The following TREH variants were observed in gnomAD, a reference collection of about 807,000 sequenced individuals.
The protein encoded by TREH is alpha,alpha-trehalose glucohydrolase.
Under a neutral mutation model 80.5 loss-of-function variants are expected in TREH, and 69 were observed. The ratio of observed to expected loss-of-function variants is 0.86; its 90% CI spans 0.71 to 1.05. The LOEUF (loss-of-function observed/expected upper bound fraction) is 1.05. Ranked by LOEUF, TREH falls within the 50% of genes least tolerant of loss-of-function variation. The pLI, the probability that TREH is intolerant of heterozygous loss-of-function variation, is 0.00. For synonymous variants in TREH, 309 were observed against 293.5 expected (o/e 1.05, Z -0.54); for missense variants, 716 against 718.8 (o/e 1.00, Z 0.04).
intron 1 of TREH, among the ~76,000 whole-genome samples, chr11:118,677,966 G>A (rs1565532299): frequency 6.6e-6 from 1 of 152,068 alleles, no homozygotes; most frequent in African/African-American, 2.4e-5. Flanking sequence ...TTCCACAATT[G>A]TCATGGGCAA....
chr11:118,664,561 T>C (rs567368239), intron 1 of TREH, among the ~76,000 whole-genome samples: 35 of 152,330 alleles, frequency 2.3e-4, no homozygotes, highest in African/African-American at 7.9e-4. Context: ...TACTACAAGA[T>C]GCTATATTAG....
In TREH at chr11:118,659,390, AG is replaced by A. The variant is rs782422052; in HGVS notation, c.1411del (p.Leu471CysfsTer74). On this transcript the variant is annotated frameshift_variant, in exon 12 of 15. Transcript: ENST00000264029. LOFTEE classifies it high-confidence loss of function. Reference sequence around the variant, plus strand: ...CCTACCTCTGATGACCAGGTCCTGCAGGGGGGCCCAGGCATTGGGGAAATCC... The same window carrying A: ...CCTACCTCTGATGACCAGGTCCTGCAGGGGGCCCAGGCATTGGGGAAATCC... ...QWDFPNAWAP[L>X]QDLVIRGLAK... 2.5e-6 allele frequency: 4 copies of A among 1,592,526 alleles called. No individual in the cohort carries two copies. The highest frequency in any genetic ancestry group is 2.6e-6 in the Non-Finnish European group (3 of 1,168,522).
rs782788957 is a variant in TREH, at chr11:118,659,970, G to A, written c.1103-6C>T. 4 of 1,550,778 alleles carry A rather than the reference G, an allele frequency of 2.6e-6. No homozygotes were observed. Among genetic ancestry groups the A allele is most frequent in the South Asian group, 1.2e-5 (1 of 84,050 alleles). ...CGTGGCCTGGGAGTCGTTCCCTGGG[G>A]CAGTGCTGCCTTTAGAGCCAGCAGC... is the stretch of plus-strand genomic sequence containing the variant. On this transcript the variant is annotated splice_polypyrimidine_tract_variant and splice_region_variant and intron_variant, in intron 10 of 14. Transcript: ENST00000264029.
At position 118,676,638 on chromosome 11, in the gene TREH, G is replaced by A. The variant is rs557885407; in HGVS notation, c.89+2901C>T. The stretch of plus-strand genomic sequence containing the variant: ...AAAAATTAGCCAGGCGTGGTGGTGC[G>A]TGCCTATAGTCCCAGCTACTTGGGA... On this transcript the variant is annotated intron_variant, in intron 1 of 14. Transcript: ENST00000264029. Among the ~76,000 whole-genome samples the A allele has an allele frequency of 2.6e-4, 40 of 152,060 alleles. 1 individual carries two copies. In the South Asian group the frequency reaches 7.3e-3, roughly 28 times the overall value.
At chr11:118,659,103 G>T in intron 12 of TREH, 86 bp from the exon 13 acceptor site, 1 of 1,378,852 alleles carries the variant, frequency 7.3e-7, no homozygotes, top group Non-Finnish European at 1.0e-6. Flanking sequence ...CCCAAGGAGG[G>T]AAAGAGGCCT....
chr11:118,660,490 G>C, intron 10 of TREH, 49 bp downstream of exon 10: 1 of 1,518,960 alleles, frequency 6.6e-7, no homozygotes, highest in Non-Finnish European at 8.9e-7. Flanking sequence ...TGCCAAGCCT[G>C]AGCAGGAAAC....
chr11:118,658,148 C>G lies in TREH; in HGVS notation c.*141G>C, dbSNP rs1949224772. The G allele has an allele frequency of 1.6e-6, 2 of 1,226,882 alleles. No individual in the cohort carries two copies. The highest frequency in any genetic ancestry group is 2.2e-6 in the Non-Finnish European group (2 of 889,100). 76.0% of individuals were successfully genotyped at this position (1,226,882 alleles called of 1,614,324 possible). ...AGGGAGCTAGGCCCCTACCCATGAC[C>G]TCCAGGTCGTGACCCTGCCCTCCAC... On this transcript the variant is annotated 3_prime_UTR_variant, in exon 15 of 15. Transcript: ENST00000264029.
rs781801274 is a variant in TREH, at chr11:118,661,679, G to A, written c.575C>T (p.Thr192Met). The A allele has an allele frequency of 2.8e-5, 45 of 1,613,840 alleles. No individual in the cohort carries two copies. The highest frequency in any genetic ancestry group is 8.3e-5 in the Admixed American group (5 of 60,006). Residue 192 changes from threonine to methionine, a missense_variant, in exon 6 of 15, where the codon ACG (threonine) becomes ATG (methionine). By Grantham distance (81) the Thr-to-Met change is moderately conservative (BLOSUM62 -1). Coordinates refer to ENST00000264029, the MANE Select transcript of TREH (RefSeq NM_007180.3). This position sits in a 1 kb window ranked among gnomAD's most constrained non-coding sequence, Gnocchi z 4.2. Reference protein sequence around the residue: ...EGLLLSEMAETVKGMLQNFLD... With the variant: ...EGLLLSEMAEMVKGMLQNFLD... ...GAAGTTCTGCAGCATGCCCTTCACC[G>A]TCTCAGCCATCTCTGAGAGGAGCAG...
rs1591829768 is a variant in TREH, at chr11:118,661,485, C to G, written c.642G>C (p.Gly214=). The change falls in exon 7 of 15, where the codon GGG becomes GGC. Residue 214 remains glycine (G), a synonymous_variant. Coordinates refer to ENST00000264029, the MANE Select transcript of TREH (RefSeq NM_007180.3). This position sits in a 1 kb window ranked among gnomAD's most constrained non-coding sequence, Gnocchi z 4.2. ...GGCTCCGCTGCAGGTAGTACACGCGCCCACCATTGGGGACATGCCCATAGC... is the reference window on the plus strand; with the variant it reads ...GGCTCCGCTGCAGGTAGTACACGCGGCCACCATTGGGGACATGCCCATAGC... ...VKTYGHVPNG[G]RVYYLQRSQP... 6.2e-7 allele frequency: 1 copy of G among 1,613,666 alleles called. No individual in the cohort carries two copies. The highest frequency in any genetic ancestry group is 2.2e-5 in the East Asian group (1 of 44,848).
At chr11:118,672,894 G>A (rs2137284014) in intron 1 of TREH, among the ~76,000 whole-genome samples, 1 of 152,010 alleles carries the variant, frequency 6.6e-6, no homozygotes, top group South Asian at 2.1e-4. Flanking sequence ...GAATCAGCTG[G>A]GAAAAAGAAA....
At chr11:118,658,780 C>T (rs782285789) in intron 13 of TREH, 47 bp from the exon 14 acceptor site, 46 of 1,611,616 alleles carry the variant, frequency 2.9e-5, no homozygotes, top group Non-Finnish European at 3.9e-5. Context: ...CCCCCCAGCT[C>T]CAGGAACAAC....
At position 118,661,800 on chromosome 11, in the gene TREH, C is replaced by T; in HGVS notation, c.525-71G>A. On this transcript the variant is annotated intron_variant, in intron 5 of 14. Coordinates refer to ENST00000264029, the MANE Select transcript of TREH (RefSeq NM_007180.3). The surrounding 1 kb of genome is among the most constrained non-coding windows in gnomAD (Gnocchi z 4.2). ...CCTGCACACCAGCCAGTGGGGCACT[C>T]TGCCCTGCTGAAGACACCCTGCTGG... 6.2e-7 allele frequency: 1 copy of T among 1,600,960 alleles called. No individual in the cohort carries two copies. Among genetic ancestry groups the T allele is most frequent in the Non-Finnish European group, 8.5e-7 (1 of 1,169,642 alleles).
chr11:118,671,497 C>CA (rs1555146275), intron 1 of TREH, among the ~76,000 whole-genome samples: 9 of 151,486 alleles, frequency 5.9e-5, no homozygotes, highest in African/African-American at 2.2e-4. Flanking sequence ...AATCAGGAGA[C>CA]AAGAGAAAAT....
At chr11:118,660,976 A>T in intron 8 of TREH, 61 bp from the exon 9 acceptor site, 2 of 1,551,132 alleles carry the variant, frequency 1.3e-6, no homozygotes, top group South Asian at 2.4e-5. Flanking sequence ...TCTGTGGTCA[A>T]GAAGAGGCTG....
intron 1 of TREH, among the ~76,000 whole-genome samples, chr11:118,666,620 C>T (rs1465246358): frequency 6.6e-6 from 1 of 152,186 alleles, no homozygotes; most frequent in Admixed American, 6.5e-5. Context: ...ACGAAGGATA[C>T]CATTTGGGAA....
In TREH at chr11:118,663,138, C is replaced by T. The variant is rs781987530; in HGVS notation, c.249G>A (p.Arg83=). 1.9e-5 allele frequency: 31 copies of T among 1,613,792 alleles called. No homozygotes were observed. The African/African-American group carries it at 2.3e-4, about 12-fold the overall frequency. The change falls in exon 3 of 15, where the codon AGG becomes AGA. Residue 83 remains arginine (R), a synonymous_variant. Coordinates refer to ENST00000264029, the MANE Select transcript of TREH (RefSeq NM_007180.3). ...LSRDHNHSIP[R]EQLQAFVHEH... ...CGTGGACAAACGCCTGCAGCTGCTC[C>T]CTGGGGATGCTGTGATTGTGGTCCC...
Position 118,658,678 on chromosome 11 carries a change from A to G in TREH, c.1599+2T>C. The G allele has an allele frequency of 6.3e-7, 1 of 1,590,688 alleles. No homozygotes were observed. The highest frequency in any genetic ancestry group is 8.6e-7 in the Non-Finnish European group (1 of 1,168,392). On this transcript the variant is annotated splice_donor_variant, in intron 14 of 14. Transcript: ENST00000264029. LOFTEE classifies it high-confidence loss of function. Reference sequence around the variant, plus strand: ...TGGCCAGCCCACCCCTGGCCTGCTCACCTGAACTTCATATTCTCCTCCCCC... The same window carrying G: ...TGGCCAGCCCACCCCTGGCCTGCTCGCCTGAACTTCATATTCTCCTCCCCC...
chr11:118,668,905 C>T (rs1949405672), intron 1 of TREH, among the ~76,000 whole-genome samples: 1 of 152,024 alleles, frequency 6.6e-6, no homozygotes, highest in South Asian at 2.1e-4. Flanking sequence ...GCCTGGGTGA[C>T]AGAGCAAGAC....
chr11:118,664,153 C>T (rs1324978768), intron 1 of TREH, among the ~76,000 whole-genome samples: 1 of 152,140 alleles, frequency 6.6e-6, no homozygotes, highest in African/African-American at 2.4e-5. Context: ...TTTGGAAGCA[C>T]CGAGGAGCTG....
Sources: gnomAD v4.1 joint callset for allele counts (sites outside exome capture counted in the v4.1 genomes callset) on GRCh38, gnomAD v4.1.1 for gene constraint, Gnocchi (gnomAD v3.1) non-coding constraint, MANE v1.5 for transcripts, NCBI Gene and HGNC (gene_info 2026-07-23, HGNC 2026-07-21) for gene names.